Variants in KRTAP10-10 observed in about 807,000 individuals in gnomAD.
The protein encoded by KRTAP10-10 is keratin-associated protein 10-10.
For synonymous variants in KRTAP10-10, 139 were observed against 137.6 expected, an observed-to-expected ratio of 1.01 and a Z score of -0.07; for missense variants, 324 against 319.9, an observed-to-expected ratio of 1.01 and a Z score of -0.10.
chr21:44,637,477 C>A lies in KRTAP10-10; in HGVS notation c.60C>A (p.Val20=). 6.2e-7 allele frequency: 1 copy of A among 1,613,216 alleles called. No individual in the cohort carries two copies. Among genetic ancestry groups the A allele is most frequent in the Non-Finnish European group, 8.5e-7 (1 of 1,179,702 alleles). Residue 20 remains valine (V), a synonymous_variant, in exon 1 of 1, where the codon GTC becomes GTA. Transcript: ENST00000380095. ...SSACTDSWRV[V]DCPESCCEPC... The stretch of plus-strand genomic sequence containing the variant: ...CCTGCACTGACTCTTGGCGGGTAGT[C>A]GACTGCCCAGAGAGCTGCTGCGAGC...
Position 44,638,011 on chromosome 21 carries a change from C to G in KRTAP10-10, c.594C>G (p.Cys198Trp). 1 of 1,613,242 alleles carries G rather than the reference C, an allele frequency of 6.2e-7. No individual in the cohort carries two copies. Among genetic ancestry groups the G allele is most frequent in the Non-Finnish European group, 8.5e-7 (1 of 1,179,528 alleles). Residue 198 changes from cysteine to tryptophan, a missense_variant, in exon 1 of 1, where the codon TGC becomes TGG. Cys to Trp is a radical substitution (Grantham distance 215). Transcript: ENST00000380095. ...TGTCCCTCCTCTGCCACCCTGTGTGCAAGTCCACCTGCTGCGTGCCCGTCC... is the reference window on the plus strand; with the variant it reads ...TGTCCCTCCTCTGCCACCCTGTGTGGAAGTCCACCTGCTGCGTGCCCGTCC... ...SSVSLLCHPV[C>W]KSTCCVPVPS...
Position 44,638,030 on chromosome 21 carries a change from C to T in KRTAP10-10, c.613C>T (p.Pro205Ser). The T allele has an allele frequency of 6.2e-7, 1 of 1,613,402 alleles. No homozygotes were observed. The highest frequency in any genetic ancestry group is 8.5e-7 in the Non-Finnish European group (1 of 1,179,604). ...HPVCKSTCCV[P>S]VPSCGASASS... ...TGTGTGCAAGTCCACCTGCTGCGTGCCCGTCCCCTCCTGCGGTGCCTCTGC... is the reference window on the plus strand; with the variant it reads ...TGTGTGCAAGTCCACCTGCTGCGTGTCCGTCCCCTCCTGCGGTGCCTCTGC... Residue 205 changes from proline (P) to serine (S), a missense_variant, in exon 1 of 1, where the codon CCC becomes TCC. Pro to Ser is a moderately conservative substitution (Grantham distance 74). Coordinates refer to ENST00000380095, the MANE Select transcript of KRTAP10-10 (RefSeq NM_181688.3).
Position 44,637,667 on chromosome 21 carries a change from T to C in KRTAP10-10, c.250T>C (p.Cys84Arg). 6.5e-7 allele frequency: 1 copy of C among 1,540,898 alleles called. No individual in the cohort carries two copies. Among genetic ancestry groups the C allele is most frequent in the Middle Eastern group, 1.7e-4 (1 of 5,816 alleles). The stretch of plus-strand genomic sequence containing the variant: ...CCAGCAGTCTAGCTGCCAGCCGGAT[T>C]GCTGCACCTCCTCCCCCTGCCAGCA... ...CYQQSSCQPD[C>R]CTSSPCQQAC... The change falls in exon 1 of 1, where the codon TGC becomes CGC. Residue 84 changes from cysteine to arginine, a missense_variant. Transcript: ENST00000380095.
At position 44,637,702 on chromosome 21, in the gene KRTAP10-10, T is replaced by TGTGCCCGTCTGCTGC; in HGVS notation, c.290_291insCGTCTGCTGCGTGCC (p.Cys105_Cys109dup). On this transcript the variant is annotated inframe_insertion, in exon 1 of 1. Coordinates refer to ENST00000380095, the MANE Select transcript of KRTAP10-10 (RefSeq NM_181688.3). ...CCTCCCCCTGCCAGCAGGCCTGCTGTGTGCCTGTCTGCTGTGTGCCCGTCT... is the reference window on the plus strand; with the variant it reads ...CCTCCCCCTGCCAGCAGGCCTGCTGTGTGCCCGTCTGCTGCGTGCCTGTCTGCTGTGTGCCCGTCT... The TGTGCCCGTCTGCTGC allele has an allele frequency of 5.9e-6, 2 of 339,124 alleles. No homozygotes were observed. The highest frequency in any genetic ancestry group is 6.1e-5 in the South Asian group (2 of 32,898). 21.0% of individuals were successfully genotyped at this position (339,124 alleles called of 1,614,324 possible).
Position 44,638,227 on chromosome 21 carries a change from G to T in KRTAP10-10, c.*54G>T, listed in dbSNP as rs1983792593. On this transcript the variant is annotated 3_prime_UTR_variant, in exon 1 of 1. Transcript: ENST00000380095. ...CCCACCAGGGGCTGACCTCCCAGCT[G>T]CCCCAGCAAGCTCTGCCCTCTCTGG... The T allele has an allele frequency of 6.4e-7, 1 of 1,559,784 alleles. No individual in the cohort carries two copies. Among genetic ancestry groups the T allele is most frequent in the South Asian group, 1.2e-5 (1 of 81,972 alleles).
Position 44,637,369 on chromosome 21 carries a change from A to G in KRTAP10-10, c.-49A>G. The G allele has an allele frequency of 6.4e-7, 1 of 1,572,964 alleles. No homozygotes were observed. The highest frequency in any genetic ancestry group is 8.6e-7 in the Non-Finnish European group (1 of 1,159,384). ...GGCTCACACACACACTCACTCACAC[A>G]CTCACTCACTCACACACCTCCCCCA... On this transcript the variant is annotated 5_prime_UTR_variant, in exon 1 of 1. Coordinates refer to ENST00000380095, the MANE Select transcript of KRTAP10-10 (RefSeq NM_181688.3).
At position 44,637,382 on chromosome 21, in the gene KRTAP10-10, C is replaced by T. The variant is rs199775220; in HGVS notation, c.-36C>T. ...ACTCACTCACACACTCACTCACTCA[C>T]ACACCTCCCCCAGCTCACCGCCTCC... On this transcript the variant is annotated 5_prime_UTR_variant, in exon 1 of 1. Coordinates refer to ENST00000380095, the MANE Select transcript of KRTAP10-10 (RefSeq NM_181688.3). 6.5e-4 allele frequency: 1,021 copies of T among 1,582,710 alleles called. No individual in the cohort carries two copies. The highest frequency in any genetic ancestry group is 1.6e-3 in the Middle Eastern group (8 of 4,952).
Position 44,637,866 on chromosome 21 carries a change from T to C in KRTAP10-10, c.449T>C (p.Val150Ala), listed in dbSNP as rs146378555. The C allele has an allele frequency of 2.0e-6, 3 of 1,531,660 alleles. No individual in the cohort carries two copies. Among genetic ancestry groups the C allele is most frequent in the South Asian group, 2.4e-5 (2 of 84,660 alleles). 94.9% of individuals were successfully genotyped at this position (1,531,660 alleles called of 1,614,324 possible). A position where few individuals can be genotyped will look rare whatever the true frequency, so the allele number is the denominator to read the frequency against. ...TGCCAGCAGGCCTGCTGTGTGCCTG[T>C]CTGCTCTAAGTCCGTCTGCTATGTG... Reference protein sequence around the residue: ...SPCQQACCVPVCSKSVCYVPV... With the variant: ...SPCQQACCVPACSKSVCYVPV... The change falls in exon 1 of 1, where the codon GTC (valine) becomes GCC (alanine). Residue 150 changes from valine to alanine, a missense_variant. Transcript: ENST00000380095.
chr21:44,637,887 A>G lies in KRTAP10-10; in HGVS notation c.470A>G (p.Tyr157Cys), dbSNP rs138406502. Residue 157 changes from tyrosine to cysteine, a missense_variant, in exon 1 of 1, where the codon TAT becomes TGT. Coordinates refer to ENST00000380095, the MANE Select transcript of KRTAP10-10 (RefSeq NM_181688.3). ...CVPVCSKSVC[Y>C]VPVCSGASTS... ...CCTGTCTGCTCTAAGTCCGTCTGCT[A>G]TGTGCCTGTGTGCTCTGGGGCTTCC... 730 of 1,533,866 alleles carry G rather than the reference A, an allele frequency of 4.8e-4. 13 individuals carry two copies. In the South Asian group the frequency reaches 7.6e-3, roughly 16 times the overall value.
Position 44,637,700 on chromosome 21 carries a change from T to C in KRTAP10-10, c.283T>C (p.Cys95Arg), listed in dbSNP as rs1569233396. The C allele has an allele frequency of 5.9e-6, 2 of 340,520 alleles. No homozygotes were observed. Among genetic ancestry groups the C allele is most frequent in the African/African-American group, 1.2e-4 (2 of 16,384 alleles). The allele number at this position is 340,520 out of a possible 1,614,324, so 21.1% of individuals were successfully genotyped here. A position where few individuals can be genotyped will look rare whatever the true frequency, so the allele number is the denominator to read the frequency against. ...CTSSPCQQAC[C>R]VPVCCVPVCC... The stretch of plus-strand genomic sequence containing the variant: ...CTCCTCCCCCTGCCAGCAGGCCTGC[T>C]GTGTGCCTGTCTGCTGTGTGCCCGT... The change falls in exon 1 of 1, where the codon TGT (cysteine) becomes CGT (arginine). Residue 95 changes from cysteine to arginine, a missense_variant. Cys to Arg is a radical substitution (Grantham distance 180). Transcript: ENST00000380095.
chr21:44,638,357 C>A lies in KRTAP10-10; in HGVS notation c.*184C>A. 2.7e-6 allele frequency: 1 copy of A among 364,750 alleles called. No individual in the cohort carries two copies. The highest frequency in any genetic ancestry group is 4.6e-5 in the East Asian group (1 of 21,862). 22.6% of individuals were successfully genotyped at this position (364,750 alleles called of 1,614,324 possible). On this transcript the variant is annotated 3_prime_UTR_variant, in exon 1 of 1. Transcript: ENST00000380095. Reference sequence around the variant, plus strand: ...TGCCTGTGGGACCCCAGCTACTCCCCCAGACCCAAGTTCTGCAGAACTAAC... The same window carrying A: ...TGCCTGTGGGACCCCAGCTACTCCCACAGACCCAAGTTCTGCAGAACTAAC...
chr21:44,638,040 C>A lies in KRTAP10-10; in HGVS notation c.623C>A (p.Ser208Tyr). 3.1e-6 allele frequency: 5 copies of A among 1,613,480 alleles called. No homozygotes were observed. The highest frequency in any genetic ancestry group is 4.2e-6 in the Non-Finnish European group (5 of 1,179,682). The change falls in exon 1 of 1, where the codon TCC becomes TAC. Residue 208 changes from serine (S) to tyrosine (Y), a missense_variant. Transcript: ENST00000380095. ...TCCACCTGCTGCGTGCCCGTCCCCT[C>A]CTGCGGTGCCTCTGCCTCCTCCTGC... ...CKSTCCVPVP[S>Y]CGASASSCQP...
At position 44,637,614 on chromosome 21, in the gene KRTAP10-10, A is replaced by C; in HGVS notation, c.197A>C (p.Tyr66Ser). 1 of 1,613,884 alleles carries C rather than the reference A, an allele frequency of 6.2e-7. No homozygotes were observed. Among genetic ancestry groups the C allele is most frequent in the Non-Finnish European group, 8.5e-7 (1 of 1,179,920 alleles). The change falls in exon 1 of 1, where the codon TAC (tyrosine) becomes TCC (serine). Residue 66 changes from tyrosine to serine, a missense_variant. Tyr to Ser is a moderately radical substitution (Grantham distance 144). Coordinates refer to ENST00000380095, the MANE Select transcript of KRTAP10-10 (RefSeq NM_181688.3). ...ACEPSACQSG[Y>S]TSSCTTPCYQ... Reference sequence around the variant, plus strand: ...GAGCCCAGCGCCTGCCAATCAGGCTACACCAGCTCCTGCACAACCCCATGC... The same window carrying C: ...GAGCCCAGCGCCTGCCAATCAGGCTCCACCAGCTCCTGCACAACCCCATGC...
Position 44,637,525 on chromosome 21 carries a change from C to G in KRTAP10-10, c.108C>G (p.Pro36=). 3.1e-6 allele frequency: 5 copies of G among 1,613,574 alleles called. No individual in the cohort carries two copies. Among genetic ancestry groups the G allele is most frequent in the Non-Finnish European group, 4.2e-6 (5 of 1,179,944 alleles). ...CCEPCCCAPA[P]SLTLVCTPVS... ...AGCCCTGCTGCTGTGCCCCAGCCCC[C>G]AGCTTGACCCTGGTCTGCACCCCAG... The change falls in exon 1 of 1, where the codon CCC becomes CCG. Residue 36 remains proline, a synonymous_variant. Transcript: ENST00000380095.
chr21:44,637,516 C>T lies in KRTAP10-10; in HGVS notation c.99C>T (p.Ala33=). The T allele has an allele frequency of 6.2e-7, 1 of 1,613,472 alleles. No homozygotes were observed. Among genetic ancestry groups the T allele is most frequent in the Non-Finnish European group, 8.5e-7 (1 of 1,179,892 alleles). The change falls in exon 1 of 1, where the codon GCC becomes GCT. Residue 33 remains alanine (A), a synonymous_variant. Coordinates refer to ENST00000380095, the MANE Select transcript of KRTAP10-10 (RefSeq NM_181688.3). The part of the protein sequence containing the change: ...PESCCEPCCC[A]PAPSLTLVCT... ...GCTGCTGCGAGCCCTGCTGCTGTGC[C>T]CCAGCCCCCAGCTTGACCCTGGTCT...
chr21:44,638,024 T>C lies in KRTAP10-10; in HGVS notation c.607T>C (p.Cys203Arg). 1.9e-6 allele frequency: 3 copies of C among 1,613,444 alleles called. No homozygotes were observed. The highest frequency in any genetic ancestry group is 3.3e-5 in the Admixed American group (2 of 59,934). ...LCHPVCKSTCCVPVPSCGASA... is the reference protein window; with the variant it reads ...LCHPVCKSTCRVPVPSCGASA... Reference sequence around the variant, plus strand: ...CCACCCTGTGTGCAAGTCCACCTGCTGCGTGCCCGTCCCCTCCTGCGGTGC... The same window carrying C: ...CCACCCTGTGTGCAAGTCCACCTGCCGCGTGCCCGTCCCCTCCTGCGGTGC... Residue 203 changes from cysteine (C) to arginine (R), a missense_variant, in exon 1 of 1, where the codon TGC becomes CGC. Coordinates refer to ENST00000380095, the MANE Select transcript of KRTAP10-10 (RefSeq NM_181688.3).
In KRTAP10-10 at chr21:44,638,145, T is replaced by C; in HGVS notation, c.728T>C (p.Leu243Pro). 1 of 1,612,378 alleles carries C rather than the reference T, an allele frequency of 6.2e-7. No individual in the cohort carries two copies. The highest frequency in any genetic ancestry group is 8.5e-7 in the Non-Finnish European group (1 of 1,179,130). The change falls in exon 1 of 1, where the codon CTC (leucine) becomes CCC (proline). Residue 243 changes from leucine to proline, a missense_variant. Transcript: ENST00000380095. Reference protein sequence around the residue: ...PVCSRPACYSLCSGQKSSC With the variant: ...PVCSRPACYSPCSGQKSSC ...TGCTCCCGCCCTGCCTGCTACAGCC[T>C]CTGCTCTGGCCAGAAGTCCAGCTGC...
chr21:44,638,032 C>T lies in KRTAP10-10; in HGVS notation c.615C>T (p.Pro205=), dbSNP rs78352751. The T allele has an allele frequency of 9.9e-4, 1,580 of 1,602,616 alleles. 1 individual carries two copies. The African/African-American group carries it at 0.021, about 22-fold the overall frequency. Residue 205 remains proline (P), a synonymous_variant, in exon 1 of 1, where the codon CCC becomes CCT. Coordinates refer to ENST00000380095, the MANE Select transcript of KRTAP10-10 (RefSeq NM_181688.3). ...TGTGCAAGTCCACCTGCTGCGTGCC[C>T]GTCCCCTCCTGCGGTGCCTCTGCCT... ...HPVCKSTCCV[P]VPSCGASASS...
Sources: gnomAD v4.1 joint callset for allele counts on GRCh38, gnomAD v4.1.1 for gene constraint, MANE v1.5 for transcripts, NCBI Gene and HGNC (gene_info 2026-07-23, HGNC 2026-07-21) for gene names.